SP100: variants seen among roughly 807,000 people sequenced by gnomAD.
SP100 encodes SP100 nuclear body protein.
SP100 carries 84 observed loss-of-function variants against 130.0 expected under a neutral mutation model. The ratio of observed to expected loss-of-function variants is 0.65; its 90% confidence interval spans 0.54 to 0.77. The LOEUF (loss-of-function observed/expected upper bound fraction) is 0.77. SP100 is among the 30% of genes least tolerant of loss of function. The pLI is 0.00. For missense variants in SP100, 978 were observed against 1,052.2 expected (o/e 0.93, Z 0.97); for synonymous variants, 331 against 351.7 (o/e 0.94, Z 0.66).
intron 2 of SP100, among the ~76,000 whole-genome samples, 154 bp downstream of exon 2, chr2:230,417,819 C>CTT (rs35969967): frequency 2.0e-5 from 3 of 151,866 alleles, no homozygotes; most frequent in Middle Eastern, 3.2e-3. Context: ...GGTGTTTGTC[C>CTT]TTTTTTTCGT....
chr2:230,533,562 C>T (rs1691800996), intron 24 of SP100, among the ~76,000 whole-genome samples: 1 of 152,200 alleles, frequency 6.6e-6, no homozygotes, highest in Non-Finnish European at 1.5e-5. Context: ...AAATCTTGAA[C>T]ATTACCCTAG....
chr2:230,416,227 A>G lies in SP100; in HGVS notation c.-70A>G, dbSNP rs1429174968. The G allele has an allele frequency of 2.3e-6, 3 of 1,333,006 alleles. No individual in the cohort carries two copies. Among genetic ancestry groups the G allele is most frequent in the Non-Finnish European group, 3.2e-6 (3 of 933,494 alleles). 82.6% of individuals were successfully genotyped at this position (1,333,006 alleles called of 1,614,324 possible). ...CTTGGGGCCTGGGCAGCCACACTGC[A>G]CGCAGGCTGGGCCGACTGAGGGGCT... On this transcript the variant is annotated 5_prime_UTR_variant, in exon 1 of 29. Coordinates refer to ENST00000340126, the MANE Select transcript of SP100 (RefSeq NM_001080391.2).
intron 6 of SP100, 111 bp downstream of exon 6, chr2:230,449,261 C>A: frequency 9.0e-7 from 1 of 1,107,230 alleles, no homozygotes; most frequent in South Asian, 1.2e-5. Flanking sequence ...TCAGGTTTTA[C>A]ATCTACAGTT....
intron 23 of SP100, chr2:230,510,250 G>T (rs1362746952): frequency 9.2e-5 from 14 of 152,602 alleles, no homozygotes; most frequent in Admixed American, 9.2e-4. Context: ...AGATTCAGGA[G>T]AAAGTGGAGA....
chr2:230,464,177 G>T, intron 11 of SP100, 27 bp downstream of exon 11: 1 of 1,354,930 alleles, frequency 7.4e-7, no homozygotes, highest in South Asian at 1.2e-5. Flanking sequence ...TGCAACCCGA[G>T]ACTGTAGAAT....
chr2:230,423,862 T>C (rs1000787233), intron 2 of SP100, among the ~76,000 whole-genome samples: 1 of 152,200 alleles, frequency 6.6e-6, no homozygotes, highest in Non-Finnish European at 1.5e-5. Flanking sequence ...TCCTATTACA[T>C]TGTGGTTAGA....
intron 24 of SP100, among the ~76,000 whole-genome samples, chr2:230,524,132 G>C (rs1208280111): frequency 7.4e-6 from 1 of 134,320 alleles, no homozygotes; most frequent in Non-Finnish European, 1.5e-5. Context: ...TCAGGATTTC[G>C]AGACCAGCCT....
intron 2 of SP100, among the ~76,000 whole-genome samples, chr2:230,424,194 GA>G: frequency 6.6e-6 from 1 of 152,168 alleles, no homozygotes; most frequent in East Asian, 1.9e-4. Flanking sequence ...CCTTGCCCCA[GA>G]AAAGAATTTG....
intron 24 of SP100, among the ~76,000 whole-genome samples, chr2:230,519,945 T>G (rs1559532982): frequency 6.6e-6 from 1 of 152,222 alleles, no homozygotes; most frequent in Non-Finnish European, 1.5e-5. Flanking sequence ...CAGCTGGTGC[T>G]GATAGAGGCA....
At position 230,514,944 on chromosome 2, in the gene SP100, A is replaced by G. The variant is rs76319514; in HGVS notation, c.2094+3778A>G. ...AAGAGATTGCAGTACATTGAGCTCC[A>G]TAGAGATAGTGCTGGCGCAAGTGAG... On this transcript the variant is annotated intron_variant, in intron 24 of 28. Coordinates refer to ENST00000340126, the MANE Select transcript of SP100 (RefSeq NM_001080391.2). 3,503 of 1,327,912 alleles carry G rather than the reference A, an allele frequency of 2.6e-3. 59 individuals carry two copies. In the African/African-American group the frequency reaches 0.043, roughly 16 times the overall value. 82.3% of individuals were successfully genotyped at this position (1,327,912 alleles called of 1,614,324 possible).
chr2:230,479,868 C>T (rs556977384), intron 17 of SP100, among the ~76,000 whole-genome samples: 1 of 152,312 alleles, frequency 6.6e-6, no homozygotes, highest in East Asian at 1.9e-4. Flanking sequence ...CAGGATAAGG[C>T]AGTGTGCTCA....
At chr2:230,473,479 G>C in intron 16 of SP100, 39 bp downstream of exon 16, 3 of 1,241,442 alleles carry the variant, frequency 2.4e-6, no homozygotes, top group Non-Finnish European at 2.4e-6. Flanking sequence ...AAGTGGCTCA[G>C]TGGATATCAC....
chr2:230,468,939 C>T, intron 13 of SP100, 104 bp from the exon 14 acceptor site: 1 of 637,078 alleles, frequency 1.6e-6, no homozygotes, highest in South Asian at 2.3e-5. Flanking sequence ...AAATGATCCT[C>T]ATAGAATATT....
chr2:230,465,343 G>C (rs186275215), intron 11 of SP100, among the ~76,000 whole-genome samples: 1 of 152,292 alleles, frequency 6.6e-6, no homozygotes, highest in African/African-American at 2.4e-5. Context: ...AGGCTGCAGT[G>C]AGTTACGATT....
At chr2:230,434,186 CATG>C (rs996869910) in intron 2 of SP100, among the ~76,000 whole-genome samples, 23 of 151,902 alleles carry the variant, frequency 1.5e-4, no homozygotes, top group African/African-American at 5.6e-4. Context: ...TTGATCTAAA[CATG>C]ATGTTTTCAC....
At chr2:230,506,609 G>C in intron 22 of SP100, 164 bp downstream of exon 22, 1 of 639,208 alleles carries the variant, frequency 1.6e-6, no homozygotes, top group East Asian at 2.8e-5. Context: ...CATTACGTTG[G>C]CTGGCTTATA....
At chr2:230,526,680 G>T (rs929542585) in intron 24 of SP100, among the ~76,000 whole-genome samples, 1 of 152,124 alleles carries the variant, frequency 6.6e-6, no homozygotes, top group Non-Finnish European at 1.5e-5. Flanking sequence ...AAGGTTAGAC[G>T]AATAGCTAAT....
chr2:230,463,951 C>A, intron 10 of SP100, 116 bp from the exon 11 acceptor site: 2 of 677,932 alleles, frequency 3.0e-6, no homozygotes, highest in Non-Finnish European at 5.3e-6. Context: ...TGTGTACAGG[C>A]GAGGACTTGC....
chr2:230,467,837 TTC>T (rs1258479955), intron 13 of SP100, among the ~76,000 whole-genome samples: 3 of 152,250 alleles, frequency 2.0e-5, no homozygotes, highest in East Asian at 1.9e-4. Context: ...CTTCTGCTCA[TTC>T]TCTGTTTTGT....
Sources: allele counts gnomAD v4.1 joint callset (sites outside exome capture counted in the v4.1 genomes callset), GRCh38; gene constraint gnomAD v4.1.1; transcripts MANE v1.5; gene names NCBI Gene and HGNC (gene_info 2026-07-23, HGNC 2026-07-21).